DMD: variants seen among roughly 807,000 people sequenced by gnomAD.
The protein encoded by DMD is dystrophin.
DMD carries 63 observed loss-of-function variants against 330.1 expected under a neutral mutation model. That is an observed-to-expected ratio of 0.19 (90% confidence interval 0.16 to 0.24). The LOEUF is 0.24. Among genes scored for constraint, DMD ranks in the 10% least tolerant of loss-of-function variants. DMD has a pLI of 1.00. For synonymous variants in DMD, 1,223 were observed against 959.8 expected, an observed-to-expected ratio of 1.27 and a Z score of -5.07; for missense variants, 3,344 against 2,684.1, an observed-to-expected ratio of 1.25 and a Z score of -5.43.
intron 44 of DMD, among the ~76,000 whole-genome samples, chrX:31,989,774 TA>T (rs2095537011): frequency 9.0e-6 from 1 of 111,098 alleles, no homozygotes; most frequent in Admixed American, 9.6e-5. Context: ...GCTTGAGAGG[TA>T]TTTATTAGAT....
At chrX:31,598,435 T>C (rs914552282) in intron 55 of DMD, among the ~76,000 whole-genome samples, 12 of 111,901 alleles carry the variant, frequency 1.1e-4, no homozygotes, top group African/African-American at 3.9e-4. Context: ...TGTGTATATC[T>C]TTTAATGTTA....
intron 50 of DMD, among the ~76,000 whole-genome samples, chrX:31,775,525 C>T (rs2090602272): frequency 9.0e-6 from 1 of 110,917 alleles, no homozygotes; most frequent in Admixed American, 9.6e-5. Flanking sequence ...AATGCCTAAT[C>T]AAGTTTATAG....
At chrX:33,011,044 A>G (rs1214425058) in intron 2 of DMD, among the ~76,000 whole-genome samples, 1 of 111,015 alleles carries the variant, frequency 9.0e-6, no homozygotes, top group East Asian at 2.9e-4. Flanking sequence ...GTATCAAACA[A>G]CTCTACAAAA....
intron 1 of DMD, among the ~76,000 whole-genome samples, chrX:33,190,870 TATATATATAATATATA>T (rs2050511723): frequency 0.029 from 49 of 1,700 alleles, 5 homozygotes; most frequent in East Asian, 0.25. Context: ...ATATTATATA[TATATATATAATATATA>T]ATATTATATA....
chrX:32,268,723 T>C (rs970608531), intron 43 of DMD, among the ~76,000 whole-genome samples: 1 of 111,968 alleles, frequency 8.9e-6, no homozygotes, highest in Non-Finnish European at 1.9e-5. Context: ...ATGGCTAGTT[T>C]GACACTCTAC....
chrX:31,242,866 A>G (rs1259845286), intron 63 of DMD, among the ~76,000 whole-genome samples: 3 of 111,295 alleles, frequency 2.7e-5, no homozygotes, highest in Non-Finnish European at 3.8e-5. Context: ...AGATAAAATA[A>G]TATGGTTGTC....
At chrX:32,846,382 T>C (rs1401901632) in intron 3 of DMD, among the ~76,000 whole-genome samples, 1 of 111,590 alleles carries the variant, frequency 9.0e-6, no homozygotes, top group East Asian at 2.8e-4. Flanking sequence ...TCTATATTTC[T>C]GTGTCTTGCA....
chrX:32,032,993 C>T (rs989404134), intron 44 of DMD, among the ~76,000 whole-genome samples: 28 of 112,075 alleles, frequency 2.5e-4, no homozygotes, highest in Non-Finnish European at 4.9e-4. Context: ...ACCTAAATGC[C>T]CATTGGCAGA....
At chrX:33,064,782 G>C (rs888899334) in intron 1 of DMD, among the ~76,000 whole-genome samples, 1 of 111,019 alleles carries the variant, frequency 9.0e-6, no homozygotes, top group Non-Finnish European at 1.9e-5. Flanking sequence ...CCAGCTACTT[G>C]GGAGACTGAG....
chrX:32,964,693 G>A (rs2092066362), intron 2 of DMD, among the ~76,000 whole-genome samples: 1 of 111,739 alleles, frequency 8.9e-6, no homozygotes, highest in East Asian at 2.8e-4. Flanking sequence ...GGGTGACAGA[G>A]CAAGACTCTG....
rs1182688470 is a variant in DMD, at chrX:33,014,007, AC to A, written c.93+6131del. ...ATGAACAAGTATCCAGAGGAAAATC[AC>A]CCTTCAAAAACTTTAGTTCTGAAAA... is the stretch of plus-strand genomic sequence containing the variant. On this transcript the variant is annotated intron_variant, in intron 2 of 78. Coordinates refer to ENST00000357033, the MANE Select transcript of DMD (RefSeq NM_004006.3). 3.6e-5 allele frequency among the ~76,000 whole-genome samples: 4 copies of A among 112,144 alleles called. No homozygotes were observed. In the East Asian group the frequency reaches 8.5e-4, roughly 24 times the overall value.
chrX:31,617,446 A>C (rs1209068861), intron 55 of DMD, among the ~76,000 whole-genome samples: 1 of 105,785 alleles, frequency 9.5e-6, no homozygotes, highest in African/African-American at 3.5e-5. Context: ...AGGCAGGAGA[A>C]TCACTTGAAC....
At chrX:32,233,814 TAG>T (rs2097178161) in intron 43 of DMD, among the ~76,000 whole-genome samples, 1 of 108,568 alleles carries the variant, frequency 9.2e-6, no homozygotes, top group Non-Finnish European at 1.9e-5. Context: ...GTATTTTAAG[TAG>T]AGAGGGTTTC....
rs190203756 is a variant in DMD, at chrX:33,143,747, G to A, written c.31+67535C>T. 9.7e-4 allele frequency among the ~76,000 whole-genome samples: 108 copies of A among 111,498 alleles called. 1 individual carries two copies. The highest frequency in any genetic ancestry group is 8.9e-4 in the Non-Finnish European group (47 of 53,038). On this transcript the variant is annotated intron_variant, in intron 1 of 78. Coordinates refer to ENST00000357033, the MANE Select transcript of DMD (RefSeq NM_004006.3). Reference sequence around the variant, plus strand: ...TTTACAGCCTCTTTGAAAATTAACCGAATGATATTAATAGATAGTTTATTT... The same window carrying A: ...TTTACAGCCTCTTTGAAAATTAACCAAATGATATTAATAGATAGTTTATTT...
At position 31,444,345 on chromosome X, in the gene DMD, C is replaced by T. The variant is rs2065136510; in HGVS notation, c.9084+136G>A. ...AAAATGTTTAGATGGGAATTATAAACTAATATAAAATATCCTATCCTCACA... is the reference window on the plus strand; with the variant it reads ...AAAATGTTTAGATGGGAATTATAAATTAATATAAAATATCCTATCCTCACA... On this transcript the variant is annotated intron_variant, in intron 60 of 78. Coordinates refer to ENST00000357033, the MANE Select transcript of DMD (RefSeq NM_004006.3). 4.1e-6 allele frequency: 3 copies of T among 725,178 alleles called. No individual in the cohort carries two copies. In the South Asian group the frequency reaches 7.6e-5, roughly 18 times the overall value. 59.8% of individuals were successfully genotyped at this position (725,178 alleles called of 1,213,427 possible).
intron 55 of DMD, among the ~76,000 whole-genome samples, chrX:31,595,493 G>A (rs2077068953): frequency 1.8e-5 from 2 of 110,958 alleles, no homozygotes; most frequent in Non-Finnish European, 3.8e-5. Flanking sequence ...ACCATAGAAA[G>A]GACATTGAGT....
chrX:33,053,018 ACTAT>A (rs2094475573), intron 1 of DMD, among the ~76,000 whole-genome samples: 1 of 111,943 alleles, frequency 8.9e-6, no homozygotes, highest in African/African-American at 3.2e-5. Context: ...AACAAATTAA[ACTAT>A]CTGTCGGTAG....
intron 55 of DMD, among the ~76,000 whole-genome samples, chrX:31,620,543 T>C (rs2078470848): frequency 1.8e-5 from 2 of 108,229 alleles, no homozygotes; most frequent in South Asian, 4.1e-4. Context: ...GCCTCCCGAG[T>C]AGTTGGGATT....
At chrX:32,691,801 A>T (rs1452831346) in intron 9 of DMD, among the ~76,000 whole-genome samples, 1 of 111,476 alleles carries the variant, frequency 9.0e-6, no homozygotes, top group African/African-American at 3.3e-5. Flanking sequence ...TGTGGTATAT[A>T]CATACAAGAG....
Sources: allele counts gnomAD v4.1 joint callset (sites outside exome capture counted in the v4.1 genomes callset), GRCh38; gene constraint gnomAD v4.1.1; transcripts MANE v1.5; gene names NCBI Gene and HGNC (gene_info 2026-07-23, HGNC 2026-07-21).